DDX54: variants seen among roughly 807,000 people sequenced by gnomAD.
The protein encoded by DDX54 is DEAD-box helicase 54.
Under a neutral mutation model 105.5 loss-of-function variants are expected in DDX54, and 67 were observed. The ratio of observed to expected loss-of-function variants is 0.64; its 90% CI spans 0.52 to 0.78. The LOEUF (loss-of-function observed/expected upper bound fraction) is 0.78. Among genes scored for constraint, DDX54 ranks in the 30% least tolerant of loss-of-function variants. The pLI, the probability that DDX54 is intolerant of heterozygous loss-of-function variation, is 0.00. For missense variants in DDX54, 1,206 were observed against 1,230.5 expected (o/e 0.98, Z 0.30); for synonymous variants, 514 against 509.9 (o/e 1.01, Z -0.11).
intron 12 of DDX54, among the ~76,000 whole-genome samples, chr12:113,166,725 C>A (rs534129235): frequency 6.6e-6 from 1 of 151,794 alleles, no homozygotes; most frequent in East Asian, 2.0e-4. Context: ...AAAACAAAAA[C>A]AAAAAACAAA....
chr12:113,164,309 T>C (rs1952248237), intron 14 of DDX54, 24 bp from the exon 15 acceptor site: 1 of 1,558,064 alleles, frequency 6.4e-7, no homozygotes, highest in East Asian at 2.3e-5. Flanking sequence ...ACCCAGTCCT[T>C]TGCCCACTGG....
chr12:113,174,842 C>T (rs1952382491), intron 9 of DDX54, 33 bp downstream of exon 9: 3 of 1,614,200 alleles, frequency 1.9e-6, no homozygotes. Flanking sequence ...CACCTGGACA[C>T]AACCTCCTGG....
In DDX54 at chr12:113,157,736, G is replaced by A. The variant is rs1381163210; in HGVS notation, c.*1141C>T. 3.6e-6 allele frequency: 5 copies of A among 1,386,058 alleles called. No individual in the cohort carries two copies. The highest frequency in any genetic ancestry group is 5.0e-6 in the Non-Finnish European group (5 of 999,654). 85.9% of individuals were successfully genotyped at this position (1,386,058 alleles called of 1,614,324 possible). A position where few individuals can be genotyped will look rare whatever the true frequency, so the allele number is the denominator to read the frequency against. ...CCCCTGAGAGACCCTGAGATAGGAG[G>A]GCCCACATTTCCAATGGGGTGTGGA... is the stretch of plus-strand genomic sequence containing the variant. On this transcript the variant is annotated 3_prime_UTR_variant, in exon 20 of 20. Coordinates refer to ENST00000306014, the MANE Select transcript of DDX54 (RefSeq NM_024072.4).
Position 113,161,324 on chromosome 12 carries a change from C to T in DDX54, c.2359G>A (p.Ala787Thr), listed in dbSNP as rs148509961. Residue 787 changes from alanine to threonine, a missense_variant, in exon 19 of 20, where the codon GCA (alanine) becomes ACA (threonine). This residue lies in a region of DDX54 where 961 missense variants were observed against 1,019.1 expected (regional missense o/e 0.94). Transcript: ENST00000306014. ...IDDRDSDEEG[A>T]SDRRGPERRG... ...CGCTCTGGGCCTCGCCGGTCAGATGCCCCTTCTTCGTCCGAGTCACGATCA... is the reference window on the plus strand; with the variant it reads ...CGCTCTGGGCCTCGCCGGTCAGATGTCCCTTCTTCGTCCGAGTCACGATCA... 2.4e-5 allele frequency: 39 copies of T among 1,613,628 alleles called. No homozygotes were observed. The highest frequency in any genetic ancestry group is 3.0e-5 in the Non-Finnish European group (35 of 1,179,756).
intron 12 of DDX54, chr12:113,168,039 G>A (rs998509473): frequency 3.1e-5 from 14 of 449,080 alleles, no homozygotes; most frequent in Non-Finnish European, 5.8e-5. Context: ...TCACCCCTGC[G>A]TGGCGCCCGA....
At chr12:113,184,711 A>T (rs970354607) in intron 1 of DDX54, among the ~76,000 whole-genome samples, 18 of 152,184 alleles carry the variant, frequency 1.2e-4, no homozygotes, top group African/African-American at 4.3e-4. Context: ...CTGTGGTCTC[A>T]GCTACCGGAG....
chr12:113,175,563 C>A (rs954326109), intron 7 of DDX54, among the ~76,000 whole-genome samples: 1 of 152,024 alleles, frequency 6.6e-6, no homozygotes, highest in African/African-American at 2.4e-5. Flanking sequence ...CCAAGGCGGG[C>A]GGATCATGAG....
chr12:113,179,355 T>C, intron 3 of DDX54, 24 bp from the exon 4 acceptor site: 2 of 1,607,400 alleles, frequency 1.2e-6, no homozygotes, highest in Non-Finnish European at 1.7e-6. Flanking sequence ...AGCAGGGAAG[T>C]CAAGGTCAGC....
At chr12:113,159,599 T>G (rs1952180826) in intron 19 of DDX54, among the ~76,000 whole-genome samples, 1 of 152,104 alleles carries the variant, frequency 6.6e-6, no homozygotes, top group Admixed American at 6.6e-5. Context: ...GATACAGACC[T>G]CAGCCTCTGT....
intron 17 of DDX54, chr12:113,162,651 C>G: frequency 2.5e-6 from 1 of 402,944 alleles, no homozygotes; most frequent in South Asian, 3.2e-5. Context: ...AATGGAGGGG[C>G]GGCTCACTCG....
rs534478725 is a variant in DDX54, at chr12:113,172,700, G to A, written c.1069-137C>T. 23 of 1,066,692 alleles carry A rather than the reference G, an allele frequency of 2.2e-5. No homozygotes were observed. In the African/African-American group the frequency reaches 3.3e-4, roughly 15 times the overall value. 66.1% of individuals were successfully genotyped at this position (1,066,692 alleles called of 1,614,324 possible). On this transcript the variant is annotated intron_variant, in intron 10 of 19. Coordinates refer to ENST00000306014, the MANE Select transcript of DDX54 (RefSeq NM_024072.4). ...TTCTGGAGTCTGGCACCCTTGGTCT[G>A]AATCCCAGCTTGCTGGGTGATGCCA...
At chr12:113,161,160 C>A in intron 19 of DDX54, 110 bp downstream of exon 19, 1 of 794,436 alleles carries the variant, frequency 1.3e-6, no homozygotes, top group Non-Finnish European at 1.9e-6. Context: ...CCAACACACC[C>A]AGCTCTGGGG....
At chr12:113,178,840 G>T in intron 5 of DDX54, 137 bp downstream of exon 5, 1 of 1,216,816 alleles carries the variant, frequency 8.2e-7, no homozygotes, top group Non-Finnish European at 1.2e-6. Context: ...ACTGGGCCCG[G>T]CCTTGTTGGG....
At chr12:113,171,761 A>G (rs953622814) in intron 11 of DDX54, among the ~76,000 whole-genome samples, 1 of 152,224 alleles carries the variant, frequency 6.6e-6, no homozygotes. Flanking sequence ...AAGAATGGAC[A>G]CACACCAAAA....
chr12:113,184,628 C>T (rs553652975), intron 1 of DDX54, among the ~76,000 whole-genome samples: 1 of 152,016 alleles, frequency 6.6e-6, no homozygotes, highest in South Asian at 2.1e-4. Context: ...AGTTCGAGAC[C>T]ATCCTGGGCA....
chr12:113,159,164 C>G, intron 19 of DDX54, 55 bp from the exon 20 acceptor site: 1 of 1,514,190 alleles, frequency 6.6e-7, no homozygotes, highest in South Asian at 1.2e-5. Context: ...CCAAGATCCC[C>G]TCCTCCCAGA....
Position 113,172,415 on chromosome 12 carries a change from A to G in DDX54, c.1217T>C (p.Leu406Pro). 6.2e-7 allele frequency: 1 copy of G among 1,614,274 alleles called. No homozygotes were observed. Residue 406 changes from leucine (L) to proline (P), a missense_variant, in exon 11 of 20, where the codon CTG becomes CCG. Coordinates refer to ENST00000306014, the MANE Select transcript of DDX54 (RefSeq NM_024072.4). ...GCTGTAGTTGATGACATTGTCCAGCAGCGGGATGTCCAGGCCTCGGGCGGC... is the reference window on the plus strand; with the variant it reads ...GCTGTAGTTGATGACATTGTCCAGCGGCGGGATGTCCAGGCCTCGGGCGGC... ...DLAARGLDIPLLDNVINYSFP... is the reference protein window; with the variant it reads ...DLAARGLDIPPLDNVINYSFP...
intron 5 of DDX54, chr12:113,177,335 G>A (rs1467090924): frequency 2.0e-6 from 1 of 504,904 alleles, no homozygotes; most frequent in Non-Finnish European, 3.5e-6. Context: ...CTCAACTACA[G>A]ACCTCAATTC....
intron 12 of DDX54, among the ~76,000 whole-genome samples, chr12:113,166,576 C>T (rs1342127881): frequency 6.6e-6 from 1 of 152,122 alleles, no homozygotes; most frequent in African/African-American, 2.4e-5. Context: ...TGGTGTGCCC[C>T]TGTAGTCTCT....
Sources: gnomAD v4.1 joint callset for allele counts (sites outside exome capture counted in the v4.1 genomes callset) on GRCh38, gnomAD v4.1.1 for gene constraint, gnomAD v4.1.1 regional missense constraint, MANE v1.5 for transcripts, NCBI Gene and HGNC (gene_info 2026-07-23, HGNC 2026-07-21) for gene names.